Variants in GDPGP1 observed in about 807,000 individuals in gnomAD.
GDPGP1 encodes GDP-D-glucose phosphorylase C15orf58.
In GDPGP1, 18 loss-of-function variants were observed where a neutral mutation model predicts 19.2. The ratio of observed to expected loss-of-function variants is 0.94; its 90% CI spans 0.65 to 1.39. GDPGP1 has a LOEUF of 1.39. GDPGP1 is among the 40% of genes most tolerant of loss of function. The pLI is 0.00. For synonymous variants in GDPGP1, 219 were observed against 208.9 expected, an observed-to-expected ratio of 1.05 and a Z score of -0.42; for missense variants, 449 against 490.5, an observed-to-expected ratio of 0.92 and a Z score of 0.80.
In GDPGP1 at chr15:90,241,478, T is replaced by G; in HGVS notation, c.570T>G (p.Ile190Met). The change falls in exon 4 of 4, where the codon ATT (isoleucine) becomes ATG (methionine). Residue 190 changes from isoleucine (I) to methionine (M), a missense_variant. Physicochemically the swap from Ile to Met is conservative, Grantham distance 10 (BLOSUM62 1). Coordinates refer to ENST00000329600, the MANE Select transcript of GDPGP1 (RefSeq NM_001013657.3). The stretch of plus-strand genomic sequence containing the variant: ...TGCCGGGTGCACTGAGGGCAGGGAT[T>G]GAGGCTGTGCTGCTGAGCTTACACC... ...RLLPGALRAG[I>M]EAVLLSLHPG... 6.2e-7 allele frequency: 1 copy of G among 1,613,792 alleles called. No individual in the cohort carries two copies. Among genetic ancestry groups the G allele is most frequent in the Non-Finnish European group, 8.5e-7 (1 of 1,180,032 alleles).
intron 2 of GDPGP1, among the ~76,000 whole-genome samples, chr15:90,235,297 G>C (rs1261237200): frequency 6.6e-6 from 1 of 152,174 alleles, no homozygotes; most frequent in Admixed American, 6.5e-5. Flanking sequence ...CAGGCGCGGT[G>C]GCTCATGCCT....
At chr15:90,235,803 C>T (rs965000924) in intron 2 of GDPGP1, among the ~76,000 whole-genome samples, 3 of 151,970 alleles carry the variant, frequency 2.0e-5, no homozygotes, top group African/African-American at 7.2e-5. Context: ...CTCCTGACCT[C>T]GTGATTCGCC....
intron 2 of GDPGP1, among the ~76,000 whole-genome samples, chr15:90,237,022 G>A (rs141302809): frequency 0.014 from 2,068 of 150,996 alleles, 61 homozygotes; most frequent in African/African-American, 0.047. Flanking sequence ...GCAGTGGTGC[G>A]ATCTTAGCTC....
rs57782328 is a variant in GDPGP1 at position 90,243,943 on chromosome 15, GT to G, written c.*1892del. The G allele has an allele frequency of 0.062, 8,528 of 137,960 alleles. 816 individuals are homozygous for G. Among genetic ancestry groups the G allele is most frequent in the African/African-American group, 0.21 (7,901 of 37,908 alleles). 8.5% of individuals were successfully genotyped at this position (137,960 alleles called of 1,614,324 possible). ...GCATGAGCCACTGCACCTGGCCTGA[GT>G]TTTTTTTTTTTTTTCTTGAATCAGA... On this transcript the variant is annotated 3_prime_UTR_variant, in exon 4 of 4. Coordinates refer to ENST00000329600, the MANE Select transcript of GDPGP1 (RefSeq NM_001013657.3).
chr15:90,241,970 T>C lies in GDPGP1; in HGVS notation c.1062T>C (p.Ala354=). The C allele has an allele frequency of 2.5e-6, 4 of 1,614,204 alleles. No individual in the cohort carries two copies. Among genetic ancestry groups the C allele is most frequent in the Non-Finnish European group, 3.4e-6 (4 of 1,180,028 alleles). The stretch of plus-strand genomic sequence containing the variant: ...ACTTCAGCAGCCTGACAGAGGCAGC[T>C]GCTGTGGCCCTCATTCAGGACTGTC... ...SQDFSSLTEA[A]AVALIQDCRL... Residue 354 remains alanine, a synonymous_variant, in exon 4 of 4, where the codon GCT becomes GCC. Coordinates refer to ENST00000329600, the MANE Select transcript of GDPGP1 (RefSeq NM_001013657.3).
In GDPGP1 at chr15:90,241,537, G is replaced by T; in HGVS notation, c.629G>T (p.Gly210Val). 6.2e-7 allele frequency: 1 copy of T among 1,613,396 alleles called. No individual in the cohort carries two copies. The highest frequency in any genetic ancestry group is 1.3e-5 in the African/African-American group (1 of 75,066). Reference sequence around the variant, plus strand: ...CGTGTCGGCTTCAACAGCCTGGGAGGCTTGGCCTCGGTGAACCACCTCCAC... The same window carrying T: ...CGTGTCGGCTTCAACAGCCTGGGAGTCTTGGCCTCGGTGAACCACCTCCAC... ...GFRVGFNSLG[G>V]LASVNHLHLH... is the part of the protein sequence containing the mutation. Residue 210 changes from glycine (G) to valine (V), a missense_variant, in exon 4 of 4, where the codon GGC (glycine) becomes GTC (valine). Gly to Val is a moderately radical substitution (Grantham distance 109). Transcript: ENST00000329600.
chr15:90,242,787 G>C lies in GDPGP1; in HGVS notation c.*721G>C, dbSNP rs1438408298. 2.0e-5 allele frequency: 3 copies of C among 152,192 alleles called. No homozygotes were observed. Among genetic ancestry groups the C allele is most frequent in the African/African-American group, 7.2e-5 (3 of 41,428 alleles). 9.4% of individuals were successfully genotyped at this position (152,192 alleles called of 1,614,324 possible). Reference sequence around the variant, plus strand: ...TCTACCTGATGAGTCCCTTTCCAGAGCACTGTCCATCATAGTCCTTTGGAC... The same window carrying C: ...TCTACCTGATGAGTCCCTTTCCAGACCACTGTCCATCATAGTCCTTTGGAC... On this transcript the variant is annotated 3_prime_UTR_variant, in exon 4 of 4. Transcript: ENST00000329600.
At chr15:90,238,818 T>C (rs1257328984) in intron 3 of GDPGP1, among the ~76,000 whole-genome samples, 4 of 152,192 alleles carry the variant, frequency 2.6e-5, no homozygotes, top group Non-Finnish European at 5.9e-5. Context: ...TCTCATGCAC[T>C]GGAACTCAGG....
rs1050022284 is a variant in GDPGP1, at chr15:90,245,542, G to C, written c.*3476G>C. On this transcript the variant is annotated 3_prime_UTR_variant, in exon 4 of 4. Transcript: ENST00000329600. ...AATGTTGACCACCCTCATATTTTTG[G>C]TAAACTGCAGTAATTTTTCCTTAAT... 1 of 151,078 alleles carries C rather than the reference G, an allele frequency of 6.6e-6. No individual in the cohort carries two copies. The highest frequency in any genetic ancestry group is 6.6e-5 in the Admixed American group (1 of 15,132). 9.4% of individuals were successfully genotyped at this position (151,078 alleles called of 1,614,324 possible). A position where few individuals can be genotyped will look rare whatever the true frequency, so the allele number is the denominator to read the frequency against.
intron 2 of GDPGP1, among the ~76,000 whole-genome samples, chr15:90,238,043 T>TA (rs1214873588): frequency 6.6e-6 from 1 of 152,244 alleles, no homozygotes; most frequent in Non-Finnish European, 1.5e-5. Context: ...CTCACGCCTG[T>TA]AATCCCAGCA....
rs1233079573 is a variant in GDPGP1, at chr15:90,241,145, T to C, written c.237T>C (p.Arg79=). The C allele has an allele frequency of 1.9e-6, 3 of 1,614,124 alleles. No individual in the cohort carries two copies. The highest frequency in any genetic ancestry group is 2.2e-5 in the South Asian group (2 of 91,082). ...TGGAGCTGGGGCTGTTTCGCTACCG[T>C]CTACGGGAGCTACAGACCCAAATCC... ...QRVELGLFRY[R]LRELQTQILP... The change falls in exon 4 of 4, where the codon CGT becomes CGC. Residue 79 remains arginine, a synonymous_variant. Transcript: ENST00000329600.
In GDPGP1 at chr15:90,244,454, C is replaced by G. The variant is rs908946827; in HGVS notation, c.*2388C>G. The G allele has an allele frequency of 6.6e-6, 1 of 152,176 alleles. No individual in the cohort carries two copies. Among genetic ancestry groups the G allele is most frequent in the Non-Finnish European group, 1.5e-5 (1 of 68,036 alleles). The allele number at this position is 152,176 out of a possible 1,614,324, so 9.4% of individuals were successfully genotyped here. A position where few individuals can be genotyped will look rare whatever the true frequency, so the allele number is the denominator to read the frequency against. ...TTCCAGAGGAACTAGTCAGTAGACACTATTCTAAGAGAGTATGTGGGTGTG... is the reference window on the plus strand; with the variant it reads ...TTCCAGAGGAACTAGTCAGTAGACAGTATTCTAAGAGAGTATGTGGGTGTG... On this transcript the variant is annotated 3_prime_UTR_variant, in exon 4 of 4. Coordinates refer to ENST00000329600, the MANE Select transcript of GDPGP1 (RefSeq NM_001013657.3).
At chr15:90,236,192 C>G (rs932201698) in intron 2 of GDPGP1, 1 of 152,258 alleles carries the variant, frequency 6.6e-6, no homozygotes, top group African/African-American at 2.4e-5. Flanking sequence ...GCATGTGCCA[C>G]CACACCCAGC....
In GDPGP1 at chr15:90,241,880, C is replaced by A. The variant is rs767364158; in HGVS notation, c.972C>A (p.Asp324Glu). The change falls in exon 4 of 4, where the codon GAC (aspartate) becomes GAA (glutamate). Residue 324 changes from aspartate to glutamate, a missense_variant. Asp to Glu is a conservative substitution (Grantham distance 45). Coordinates refer to ENST00000329600, the MANE Select transcript of GDPGP1 (RefSeq NM_001013657.3). ...WARKSSFGIK[D>E]GEAFNVALCE... Reference sequence around the variant, plus strand: ...GGAAGTCCAGCTTTGGGATAAAGGACGGTGAAGCTTTCAATGTTGCCCTCT... The same window carrying A: ...GGAAGTCCAGCTTTGGGATAAAGGAAGGTGAAGCTTTCAATGTTGCCCTCT... 2 of 1,614,092 alleles carry A rather than the reference C, an allele frequency of 1.2e-6. No individual in the cohort carries two copies. The highest frequency in any genetic ancestry group is 4.5e-5 in the East Asian group (2 of 44,878).
chr15:90,237,612 C>T (rs1219481605), intron 2 of GDPGP1, among the ~76,000 whole-genome samples: 1 of 152,034 alleles, frequency 6.6e-6, no homozygotes, highest in Non-Finnish European at 1.5e-5. Context: ...TTTGATTTGC[C>T]TTTTCTTATT....
rs1962837706 is a variant in GDPGP1 at position 90,245,181 on chromosome 15, A to C, written c.*3115A>C. The C allele has an allele frequency of 6.6e-6, 1 of 152,240 alleles. No homozygotes were observed. Among genetic ancestry groups the C allele is most frequent in the African/African-American group, 2.4e-5 (1 of 41,458 alleles). 9.4% of individuals were successfully genotyped at this position (152,240 alleles called of 1,614,324 possible). On this transcript the variant is annotated 3_prime_UTR_variant, in exon 4 of 4. Transcript: ENST00000329600. ...ATATGTGTCCATAGCCCATTTTATA[A>C]GAAAAACAGTTTAGGCCAGGTGCGG...
In GDPGP1 at chr15:90,241,658, C is replaced by T; in HGVS notation, c.750C>T (p.Leu250=). The T allele has an allele frequency of 6.2e-7, 1 of 1,614,230 alleles. No individual in the cohort carries two copies. The highest frequency in any genetic ancestry group is 1.3e-5 in the African/African-American group (1 of 75,058). ...GCCATTTGCATCTGCTCCAGGACCT[C>T]CCAGCTCCTGGCTTCCTCTTTTACA... The part of the protein sequence containing the change: ...PGGHLHLLQD[L]PAPGFLFYTR... Residue 250 remains leucine (L), a synonymous_variant, in exon 4 of 4, where the codon CTC becomes CTT. Coordinates refer to ENST00000329600, the MANE Select transcript of GDPGP1 (RefSeq NM_001013657.3).
chr15:90,241,233 C>T lies in GDPGP1; in HGVS notation c.325C>T (p.Pro109Ser), dbSNP rs372222964. ...GGAGCGTGGTGTGCAGAGGAGGCCC[C>T]CGCAGACCATCAAGAGTGTGAGGCA... The part of the protein sequence containing the change: ...NVERGVQRRP[P>S]QTIKSVRQAF... Residue 109 changes from proline to serine, a missense_variant, in exon 4 of 4, where the codon CCG (proline) becomes TCG (serine). Physicochemically the swap from Pro to Ser is moderately conservative, Grantham distance 74. Coordinates refer to ENST00000329600, the MANE Select transcript of GDPGP1 (RefSeq NM_001013657.3). 6.2e-7 allele frequency: 1 copy of T among 1,614,158 alleles called. No homozygotes were observed.
At position 90,242,096 on chromosome 15, in the gene GDPGP1, TC is replaced by T; in HGVS notation, c.*31del. 2 of 1,548,114 alleles carry T rather than the reference TC, an allele frequency of 1.3e-6. No homozygotes were observed. The highest frequency in any genetic ancestry group is 2.4e-5 in the South Asian group (2 of 82,482). On this transcript the variant is annotated 3_prime_UTR_variant, in exon 4 of 4. Coordinates refer to ENST00000329600, the MANE Select transcript of GDPGP1 (RefSeq NM_001013657.3). ...TCTGGATGTATTTATGTTCTTTTTT[TC>T]TTTTCTTTTGAGATAGGGTCTCACT...
Sources: gnomAD v4.1 joint callset for allele counts (sites outside exome capture counted in the v4.1 genomes callset) on GRCh38, gnomAD v4.1.1 for gene constraint, MANE v1.5 for transcripts, NCBI Gene and HGNC (gene_info 2026-07-23, HGNC 2026-07-21) for gene names.